The following PDS5A variants were observed in gnomAD, a reference collection of about 807,000 sequenced individuals.
PDS5A encodes the protein sister chromatid cohesion protein PDS5 homolog A.
In PDS5A, 42 loss-of-function variants were observed where a neutral mutation model predicts 167.1. The ratio of observed to expected loss-of-function variants is 0.25; its 90% CI spans 0.20 to 0.33. The LOEUF (loss-of-function observed/expected upper bound fraction) is 0.33, where lower values mean the gene tolerates loss of function less well. Among genes scored for constraint, PDS5A ranks in the 10% least tolerant of loss-of-function variants. The pLI, the probability that PDS5A is intolerant of heterozygous loss-of-function variation, is 1.00. For synonymous variants in PDS5A, 553 were observed against 554.6 expected (o/e 1.00, Z 0.04); for missense variants, 1,033 against 1,605.9 (o/e 0.64, Z 6.10).
chr4:39,850,580 T>C (rs1403817830), intron 26 of PDS5A, among the ~76,000 whole-genome samples: 1 of 152,222 alleles, frequency 6.6e-6, no homozygotes, highest in Non-Finnish European at 1.5e-5. Flanking sequence ...GGATTTTGAT[T>C]ATTTGTAAGC....
intron 17 of PDS5A, among the ~76,000 whole-genome samples, chr4:39,886,434 C>A (rs943961460): frequency 8.6e-5 from 13 of 152,016 alleles, no homozygotes; most frequent in African/African-American, 3.1e-4. Context: ...TTGATTTTGG[C>A]CGGGCGGGGT....
intron 11 of PDS5A, among the ~76,000 whole-genome samples, chr4:39,906,350 A>G (rs1336947244): frequency 6.6e-6 from 1 of 152,122 alleles, no homozygotes; most frequent in Non-Finnish European, 1.5e-5. Flanking sequence ...CCAGGGCAAC[A>G]AAGTGAGACC....
At chr4:39,929,519 C>CTATATATATATATATATA (rs58069502) in intron 2 of PDS5A, among the ~76,000 whole-genome samples, 166 of 79,264 alleles carry the variant, frequency 2.1e-3, no homozygotes, top group Non-Finnish European at 2.4e-3. Context: ...ACTTAATAAA[C>CTATATATATATATATATA]TATATATATA....
intron 2 of PDS5A, among the ~76,000 whole-genome samples, chr4:39,958,046 A>G (rs1425174244): frequency 6.6e-6 from 1 of 152,008 alleles, no homozygotes; most frequent in Non-Finnish European, 1.5e-5. Flanking sequence ...GCACACCACC[A>G]CACCTAGCTA....
chr4:39,847,237 A>T (rs1717689416), intron 28 of PDS5A: 1 of 152,170 alleles, frequency 6.6e-6, no homozygotes, highest in Non-Finnish European at 1.5e-5. Flanking sequence ...ACTGTTACAT[A>T]GATTCTATTT....
At chr4:39,876,244 T>C (rs1720451600) in intron 19 of PDS5A, among the ~76,000 whole-genome samples, 1 of 152,186 alleles carries the variant, frequency 6.6e-6, no homozygotes, top group Non-Finnish European at 1.5e-5. Flanking sequence ...ATTTCTAGTC[T>C]ATAAACTCCT....
chr4:39,931,264 CTT>C (rs111975524), intron 2 of PDS5A, among the ~76,000 whole-genome samples: 1 of 145,730 alleles, frequency 6.9e-6, no homozygotes, highest in African/African-American at 2.5e-5. Context: ...AGGTTTTGTA[CTT>C]TTTTTTTTTT....
chr4:39,957,463 C>T (rs1729029641), intron 2 of PDS5A, among the ~76,000 whole-genome samples: 2 of 152,078 alleles, frequency 1.3e-5, no homozygotes, highest in Admixed American at 1.3e-4. Context: ...ATAATCTCAG[C>T]AACAAACAAA....
chr4:39,848,904 C>A lies in PDS5A; in HGVS notation c.3286G>T (p.Asp1096Tyr). The A allele has an allele frequency of 6.2e-7, 1 of 1,604,898 alleles. No individual in the cohort carries two copies. Among genetic ancestry groups the A allele is most frequent in the East Asian group, 2.2e-5 (1 of 44,728 alleles). Residue 1096 changes from aspartate to tyrosine, a missense_variant, in exon 28 of 33, where the codon GAT (aspartate) becomes TAT (tyrosine). Transcript: ENST00000303538. ...GGGAGGACTGGGTCCTTTGGTGAAT[C>A]TGCATTGCACAAAGCACTTTTACTA... ...INSKSALCNA[D>Y]SPKDPVLPMK...
intron 8 of PDS5A, among the ~76,000 whole-genome samples, chr4:39,916,144 A>G (rs1389180656): frequency 6.6e-6 from 1 of 152,024 alleles, no homozygotes. Context: ...GACTGAGACA[A>G]GAAAAGCCGG....
chr4:39,837,914 T>C lies in PDS5A; in HGVS notation c.3952A>G (p.Lys1318Glu), dbSNP rs1716580376. ...GCCTTTTTGGCTAAATCTTGCAGTT[T>C]GGGTGCTTTGGCATTACCTGCTTCC... ...GLEAGNAKAP[K>E]LQDLAKKAAP... The change falls in exon 32 of 33, where the codon AAA (lysine) becomes GAA (glutamate). Residue 1318 changes from lysine to glutamate, a missense_variant. Lys to Glu is a moderately conservative substitution (Grantham distance 56). Around this residue, in one of 4 missense-constraint regions of PDS5A, gnomAD observed 233 missense variants for 264.0 expected, o/e 0.88. Transcript: ENST00000303538. The C allele has an allele frequency of 6.2e-7, 1 of 1,613,906 alleles. No homozygotes were observed. Among genetic ancestry groups the C allele is most frequent in the East Asian group, 2.2e-5 (1 of 44,890 alleles).
intron 2 of PDS5A, among the ~76,000 whole-genome samples, chr4:39,963,742 G>A (rs1402154771): frequency 6.6e-6 from 1 of 151,582 alleles, no homozygotes; most frequent in Non-Finnish European, 1.5e-5. Context: ...TGAGGTAGGA[G>A]GATCACCTGA....
At chr4:39,935,404 T>C (rs1434814762) in intron 2 of PDS5A, among the ~76,000 whole-genome samples, 1 of 152,224 alleles carries the variant, frequency 6.6e-6, no homozygotes, top group Non-Finnish European at 1.5e-5. Flanking sequence ...GGCCTTCCGA[T>C]GTGTTCTTGG....
At chr4:39,858,780 C>A (rs972655438) in intron 26 of PDS5A, among the ~76,000 whole-genome samples, 1 of 152,098 alleles carries the variant, frequency 6.6e-6, no homozygotes, top group Non-Finnish European at 1.5e-5. Context: ...CCCTCCACAA[C>A]GCGTGGCTAA....
intron 26 of PDS5A, among the ~76,000 whole-genome samples, chr4:39,858,894 A>G (rs1718755920): frequency 6.6e-6 from 1 of 152,190 alleles, no homozygotes; most frequent in Admixed American, 6.6e-5. Flanking sequence ...AACACAGTAA[A>G]AAATTTTTAT....
At chr4:39,962,063 GTT>G (rs113091640) in intron 2 of PDS5A, among the ~76,000 whole-genome samples, 1 of 146,136 alleles carries the variant, frequency 6.8e-6, no homozygotes. Context: ...CTGAGTTTTT[GTT>G]TTTTTTTTTT....
At chr4:39,910,092 G>A (rs926518686) in intron 10 of PDS5A, 152 bp downstream of exon 10, 5 of 474,694 alleles carry the variant, frequency 1.1e-5, no homozygotes, top group African/African-American at 9.8e-5. Flanking sequence ...TTTATTACAT[G>A]AACATGAAAT....
chr4:39,910,208 G>T, intron 10 of PDS5A, 36 bp downstream of exon 10: 4 of 1,042,918 alleles, frequency 3.8e-6, no homozygotes, highest in Non-Finnish European at 5.9e-6. Context: ...TAGTTGTATG[G>T]TTATGCTAAT....
At chr4:39,836,175 T>G (rs942813663) in intron 32 of PDS5A, among the ~76,000 whole-genome samples, 2 of 152,190 alleles carry the variant, frequency 1.3e-5, no homozygotes, top group African/African-American at 4.8e-5. Context: ...ACTTTCATAC[T>G]AATGAAAAAG....
Sources: gnomAD v4.1 joint callset for allele counts (sites outside exome capture counted in the v4.1 genomes callset) on GRCh38, gnomAD v4.1.1 for gene constraint, gnomAD v4.1.1 regional missense constraint, MANE v1.5 for transcripts, NCBI Gene and HGNC (gene_info 2026-07-23, HGNC 2026-07-21) for gene names.